Variants in UPRT observed in about 807,000 individuals in gnomAD.
UPRT encodes the protein RP11-311P8.3.
Under a neutral mutation model 22.6 loss-of-function variants are expected in UPRT, and 5 were observed. The observed-to-expected ratio is 0.22, with a 90% CI of 0.12 to 0.47. UPRT has a LOEUF of 0.47. Among genes scored for constraint, UPRT ranks in the 20% least tolerant of loss-of-function variants. UPRT has a pLI of 0.99. For synonymous variants in UPRT, 77 were observed against 87.7 expected, an observed-to-expected ratio of 0.88 and a Z score of 0.68; for missense variants, 181 against 239.9, an observed-to-expected ratio of 0.75 and a Z score of 1.62.
chrX:75,287,755 C>A (rs958724521), intron 1 of UPRT, among the ~76,000 whole-genome samples: 1 of 111,025 alleles, frequency 9.0e-6, no homozygotes, highest in African/African-American at 3.3e-5. Context: ...TAATGTCACA[C>A]CTAGAGGAAC....
intron 3 of UPRT, among the ~76,000 whole-genome samples, chrX:75,167,673 C>T (rs768296878): frequency 9.0e-6 from 1 of 111,561 alleles, no homozygotes; most frequent in South Asian, 3.7e-4. Flanking sequence ...TGCTTGTTGG[C>T]CACGTGTATA....
At chrX:75,156,886 T>C (rs1218560259) in intron 1 of UPRT, among the ~76,000 whole-genome samples, 1 of 84,827 alleles carries the variant, frequency 1.2e-5, no homozygotes, top group Non-Finnish European at 2.4e-5. Flanking sequence ...GGTCTGTTGC[T>C]CGTGGGACAG....
At chrX:75,273,903 C>T (rs957311101), upstream of UPRT, among the ~76,000 whole-genome samples, 3 of 111,650 alleles carry the variant, frequency 2.7e-5, no homozygotes, top group Admixed American at 9.5e-5. Flanking sequence ...GCCCCAGGGG[C>T]CCCCGGAAGA....
chrX:75,162,199 G>C (rs1259924576), intron 2 of UPRT, among the ~76,000 whole-genome samples: 1 of 105,786 alleles, frequency 9.5e-6, no homozygotes, highest in African/African-American at 3.5e-5. Context: ...TGATCCACCC[G>C]CCTCAGCCTC....
At chrX:75,236,233 A>T (rs189543785) in intron 4 of UPRT, among the ~76,000 whole-genome samples, 48 of 111,608 alleles carry the variant, frequency 4.3e-4, no homozygotes, top group African/African-American at 1.4e-3. Flanking sequence ...GAGGAATCCA[A>T]CTTACAAGGG....
exon 3 of UPRT, among the ~76,000 whole-genome samples, chrX:75,163,147 T>G (rs1169809627): frequency 8.9e-6 from 1 of 111,734 alleles, no homozygotes; most frequent in Non-Finnish European, 1.9e-5. Flanking sequence ...AAATCCTTGT[T>G]TTCTTGCTGG....
intron 4 of UPRT, among the ~76,000 whole-genome samples, chrX:75,188,747 C>T (rs373946763): frequency 3.6e-5 from 4 of 112,517 alleles, no homozygotes; most frequent in South Asian, 3.7e-4. Flanking sequence ...TTAAGCCCGT[C>T]GGAAAAGCGC....
rs755236312 is a variant in UPRT at position 75,180,003 on chromosome X, G to A, written c.-447+12124G>A. Among the ~76,000 whole-genome samples, 50 of 112,631 alleles carry A rather than the reference G, an allele frequency of 4.4e-4. 1 individual carries two copies. Among genetic ancestry groups the A allele is most frequent in the African/African-American group, 1.4e-3 (44 of 31,060 alleles). On this transcript the variant is annotated intron_variant, in intron 4 of 13. Transcript: ENST00000652605. ...TGGGCTGAAGGGCTCCTCAAATGCC[G>A]CCAAACTGGGAGCCCAGGCAGAGGA...
At chrX:75,259,856 A>C (rs2082562020) in intron 4 of UPRT, among the ~76,000 whole-genome samples, 1 of 111,739 alleles carries the variant, frequency 8.9e-6, no homozygotes, top group Admixed American at 9.6e-5. Context: ...AGCCAGAGAG[A>C]AAGGTCGAGT....
intron 4 of UPRT, among the ~76,000 whole-genome samples, chrX:75,187,817 G>A (rs753774742): frequency 5.4e-5 from 6 of 111,945 alleles, no homozygotes; most frequent in African/African-American, 1.6e-4. Flanking sequence ...GACCGCATCA[G>A]CTCCTGAGGC....
At chrX:75,272,179 C>A (rs1569279312), upstream of UPRT, among the ~76,000 whole-genome samples, 1 of 107,211 alleles carries the variant, frequency 9.3e-6, no homozygotes, top group Non-Finnish European at 1.9e-5. Context: ...GATAGTTGCA[C>A]ACGCATGTTT....
intron 1 of UPRT, among the ~76,000 whole-genome samples, chrX:75,282,323 G>A (rs777132965): frequency 1.7e-4 from 19 of 109,391 alleles, no homozygotes; most frequent in African/African-American, 5.7e-4. Flanking sequence ...GTTTGTTCTT[G>A]TTTCTCTAGT....
chrX:75,166,155 G>T (rs963955708), intron 3 of UPRT, among the ~76,000 whole-genome samples: 1 of 111,509 alleles, frequency 9.0e-6, no homozygotes, highest in Non-Finnish European at 1.9e-5. Flanking sequence ...TTGTCTGTAA[G>T]GGGCTTGTTA....
intron 4 of UPRT, among the ~76,000 whole-genome samples, chrX:75,246,547 T>C (rs2082507148): frequency 9.0e-6 from 1 of 111,104 alleles, no homozygotes. Context: ...CTATTGTGAA[T>C]AGTGCTGCAA....
At chrX:75,226,846 T>C (rs2082425082) in intron 4 of UPRT, among the ~76,000 whole-genome samples, 1 of 110,957 alleles carries the variant, frequency 9.0e-6, no homozygotes, top group Non-Finnish European at 1.9e-5. Flanking sequence ...TTCTCTTTTG[T>C]TCACCACTCA....
At chrX:75,188,101 G>A (rs900045146) in intron 4 of UPRT, among the ~76,000 whole-genome samples, 17 of 111,952 alleles carry the variant, frequency 1.5e-4, no homozygotes, top group African/African-American at 5.5e-4. Flanking sequence ...GAGGTGCTCT[G>A]CTTTTTAGAG....
At chrX:75,203,481 G>GAC (rs56145702) in intron 4 of UPRT, among the ~76,000 whole-genome samples, 176 of 91,262 alleles carry the variant, frequency 1.9e-3, no homozygotes, top group Middle Eastern at 5.5e-3. Context: ...AAGGGTTAAA[G>GAC]ACACACACAC....
At chrX:75,301,483 G>A (rs1267532619) in intron 6 of UPRT, among the ~76,000 whole-genome samples, 2 of 111,657 alleles carry the variant, frequency 1.8e-5, no homozygotes, top group African/African-American at 6.5e-5. Flanking sequence ...CAGAACAATT[G>A]GGAATATATT....
chrX:75,200,953 AAAAC>A (rs1438739045), intron 4 of UPRT, among the ~76,000 whole-genome samples: 2 of 111,980 alleles, frequency 1.8e-5, no homozygotes, highest in Non-Finnish European at 3.8e-5. Context: ...TTTCACAAAC[AAAAC>A]AAACAAACAA....
Sources: allele counts gnomAD v4.1 joint callset (sites outside exome capture counted in the v4.1 genomes callset), GRCh38; gene constraint gnomAD v4.1.1; transcripts MANE v1.5; gene names NCBI Gene and HGNC (gene_info 2026-07-23, HGNC 2026-07-21).